ADAMTSL1: variants seen among roughly 807,000 people sequenced by gnomAD.
ADAMTSL1 encodes ADAMTS-like protein 1.
A neutral mutation model predicts 201.8 loss-of-function variants in ADAMTSL1; 126 were observed. The observed-to-expected ratio is 0.62, with a 90% CI of 0.54 to 0.72. ADAMTSL1 has a LOEUF of 0.72. ADAMTSL1 is among the 30% of genes least tolerant of loss of function. The pLI, the probability that ADAMTSL1 is intolerant of heterozygous loss-of-function variation, is 0.00. For missense variants in ADAMTSL1, 2,679 were observed against 2,277.8 expected (o/e 1.18, Z -3.59); for synonymous variants, 1,121 against 903.4 (o/e 1.24, Z -4.32).
At chr9:18,614,465 C>G (rs1347614280) in intron 4 of ADAMTSL1, among the ~76,000 whole-genome samples, 1 of 152,106 alleles carries the variant, frequency 6.6e-6, no homozygotes, top group Non-Finnish European at 1.5e-5. Context: ...GTGAAATAGA[C>G]ACAATTGTAG....
At chr9:18,405,635 G>GAA (rs71333041) in intron 2 of ADAMTSL1, among the ~76,000 whole-genome samples, 5,372 of 107,514 alleles carry the variant, frequency 0.05, 349 homozygotes, top group African/African-American at 0.16. Flanking sequence ...ACAGAAGAAT[G>GAA]AAAAAAAAAA....
At chr9:18,284,817 C>G (rs1344265925) in intron 2 of ADAMTSL1, among the ~76,000 whole-genome samples, 1 of 152,096 alleles carries the variant, frequency 6.6e-6, no homozygotes, top group Non-Finnish European at 1.5e-5. Flanking sequence ...GCTGTATTAT[C>G]TGATTTTTCT....
chr9:18,524,712 T>C (rs1248569863), intron 2 of ADAMTSL1, among the ~76,000 whole-genome samples: 1 of 152,218 alleles, frequency 6.6e-6, no homozygotes, highest in African/African-American at 2.4e-5. Context: ...GTGGTTTTTG[T>C]CTTTGGTTCT....
intron 1 of ADAMTSL1, among the ~76,000 whole-genome samples, chr9:17,953,894 C>T (rs371043051): frequency 6.6e-6 from 1 of 152,272 alleles, no homozygotes; most frequent in East Asian, 1.9e-4. Flanking sequence ...ACTGGGCTCT[C>T]AGATGAAATA....
intron 13 of ADAMTSL1, among the ~76,000 whole-genome samples, chr9:18,691,632 CAG>C (rs1485571766): frequency 1.3e-5 from 2 of 152,152 alleles, no homozygotes; most frequent in Non-Finnish European, 2.9e-5. Context: ...CTGCTGGAAT[CAG>C]AGTAAAAATC....
At chr9:18,259,352 C>T (rs534817738) in intron 2 of ADAMTSL1, among the ~76,000 whole-genome samples, 7 of 151,976 alleles carry the variant, frequency 4.6e-5, no homozygotes, top group South Asian at 4.2e-4. Flanking sequence ...CGGTGAAACC[C>T]GTCTCTACAA....
intron 1 of ADAMTSL1, among the ~76,000 whole-genome samples, chr9:18,077,081 G>GGGA (rs903014419): frequency 1.3e-5 from 2 of 152,192 alleles, no homozygotes; most frequent in East Asian, 1.9e-4. Flanking sequence ...GAAGCAGTCT[G>GGGA]GGAGGAGGAG....
At chr9:18,230,995 C>T (rs10481562) in intron 2 of ADAMTSL1, among the ~76,000 whole-genome samples, 70,717 of 151,944 alleles carry the variant, frequency 0.47, 16,891 homozygotes, top group East Asian at 0.72. Flanking sequence ...TTTAAGTAAT[C>T]GTGTGCTTAA....
intron 1 of ADAMTSL1, among the ~76,000 whole-genome samples, chr9:18,068,031 T>G (rs749662644): frequency 6.6e-6 from 1 of 152,062 alleles, no homozygotes; most frequent in Non-Finnish European, 1.5e-5. Flanking sequence ...AAGTTAGGTT[T>G]CTGGAAGTTG....
At chr9:18,058,723 A>T (rs956549732) in intron 1 of ADAMTSL1, among the ~76,000 whole-genome samples, 2 of 152,120 alleles carry the variant, frequency 1.3e-5, no homozygotes, top group Non-Finnish European at 2.9e-5. Flanking sequence ...GCACAGAGAG[A>T]CTATATTAAA....
At chr9:18,529,575 C>T (rs747990768) in intron 2 of ADAMTSL1, among the ~76,000 whole-genome samples, 1 of 152,118 alleles carries the variant, frequency 6.6e-6, no homozygotes, top group Non-Finnish European at 1.5e-5. Context: ...ATAGTATACG[C>T]AGAATACCTA....
In ADAMTSL1 at chr9:18,557,531, C is replaced by T. The variant is rs547546992; in HGVS notation, c.238-16499C>T. ...GTCATTCATGGTGCTGTGTTGCATGCCGCCAGTAAAGGAGCATTGATTAGA... is the reference window on the plus strand; with the variant it reads ...GTCATTCATGGTGCTGTGTTGCATGTCGCCAGTAAAGGAGCATTGATTAGA... On this transcript the variant is annotated intron_variant, in intron 3 of 28. Coordinates refer to ENST00000380548, the MANE Select transcript of ADAMTSL1 (RefSeq NM_001040272.6). 9.9e-5 allele frequency among the ~76,000 whole-genome samples: 15 copies of T among 152,056 alleles called. No individual in the cohort carries two copies. In the South Asian group the frequency reaches 2.9e-3, roughly 29 times the overall value.
In ADAMTSL1 at chr9:18,462,517, G is replaced by C. The variant is rs78795104; in HGVS notation, c.208-42312G>C. ...AATTTTTTATATAACTATGACCTTT[G>C]ATAAGTTCTGTGCAAGAAAACCAAT... On this transcript the variant is annotated intron_variant, in intron 2 of 29. Transcript: ENST00000680146. 3.3e-5 allele frequency among the ~76,000 whole-genome samples: 5 copies of C among 152,252 alleles called. 1 individual carries two copies. In the East Asian group the frequency reaches 9.7e-4, roughly 29 times the overall value.
intron 23 of ADAMTSL1, among the ~76,000 whole-genome samples, chr9:18,835,866 A>C (rs1031488639): frequency 6.6e-6 from 1 of 152,134 alleles, no homozygotes; most frequent in Non-Finnish European, 1.5e-5. Flanking sequence ...ATAGTATCCT[A>C]TGGTATATAT....
rs139881062 is a variant in ADAMTSL1, at chr9:18,806,287, G to A, written c.3805+10763G>A. On this transcript the variant is annotated intron_variant, in intron 20 of 28. Coordinates refer to ENST00000380548, the MANE Select transcript of ADAMTSL1 (RefSeq NM_001040272.6). ...TGCACAACAGAGTTTTTGTACTTTGGGCCAAGAAGTGGCACACTTCACGTC... is the reference window on the plus strand; with the variant it reads ...TGCACAACAGAGTTTTTGTACTTTGAGCCAAGAAGTGGCACACTTCACGTC... 5.3e-3 allele frequency among the ~76,000 whole-genome samples: 801 copies of A among 152,240 alleles called. 9 individuals are homozygous for A. Among genetic ancestry groups the A allele is most frequent in the African/African-American group, 0.018 (745 of 41,528 alleles).
intron 2 of ADAMTSL1, among the ~76,000 whole-genome samples, chr9:18,281,041 A>G (rs1222036393): frequency 6.6e-6 from 1 of 151,974 alleles, no homozygotes; most frequent in East Asian, 1.9e-4. Context: ...ACGCCTGACT[A>G]ATCTTTAAAC....
At chr9:17,978,121 T>G (rs1026850407) in intron 1 of ADAMTSL1, among the ~76,000 whole-genome samples, 1 of 152,124 alleles carries the variant, frequency 6.6e-6, no homozygotes, top group African/African-American at 2.4e-5. Flanking sequence ...ACTATACTTC[T>G]GTTCTCTTTT....
intron 15 of ADAMTSL1, among the ~76,000 whole-genome samples, chr9:18,749,758 A>G (rs1819356761): frequency 1.3e-5 from 2 of 152,206 alleles, no homozygotes; most frequent in African/African-American, 2.4e-5. Context: ...GTTGATTACA[A>G]TATTTTTTAC....
chr9:18,198,214 T>C (rs375260317), intron 2 of ADAMTSL1, among the ~76,000 whole-genome samples: 15 of 151,504 alleles, frequency 9.9e-5, no homozygotes, highest in African/African-American at 3.6e-4. Flanking sequence ...ACTTCATGTC[T>C]AAAACACCAA....
Sources: allele counts gnomAD v4.1 joint callset (sites outside exome capture counted in the v4.1 genomes callset), GRCh38; gene constraint gnomAD v4.1.1; transcripts MANE v1.5; gene names NCBI Gene and HGNC (gene_info 2026-07-23, HGNC 2026-07-21).